The following TMCO4 variants were observed in gnomAD, a reference collection of about 807,000 sequenced individuals.
TMCO4 encodes the protein transmembrane and coiled-coil domains 4, also known as transmembrane and coiled-coil domain-containing protein 4.
A neutral mutation model predicts 64.7 loss-of-function variants in TMCO4; 58 were observed. That is an observed-to-expected ratio of 0.90 (90% CI 0.73 to 1.12). The LOEUF is 1.12. Among genes scored for constraint, TMCO4 ranks in the 50% most tolerant of loss-of-function variants. The pLI is 0.00. For synonymous variants in TMCO4, 325 were observed against 346.1 expected (o/e 0.94, Z 0.68); for missense variants, 780 against 825.9 (o/e 0.94, Z 0.68).
chr1:19,700,917 G>A, intron 13 of TMCO4, 32 bp from the exon 14 acceptor site: 1 of 1,592,058 alleles, frequency 6.3e-7, no homozygotes, highest in Middle Eastern at 1.7e-4. Context: ...GGCCGTCAGT[G>A]TCCCTGGCCA....
rs2041604211 is a variant in TMCO4, at chr1:19,743,210, C to CT, written c.878-2270dup. 6.6e-6 allele frequency among the ~76,000 whole-genome samples: 1 copy of CT among 152,124 alleles called. No individual in the cohort carries two copies. The highest frequency in any genetic ancestry group is 1.5e-5 in the Non-Finnish European group (1 of 68,030). ...ACTAGCTGGGTGACCCTGGGCACCCCTTATAAGCCTCAGTTTCCTCATCTG... is the reference window on the plus strand; with the variant it reads ...ACTAGCTGGGTGACCCTGGGCACCCCTTTATAAGCCTCAGTTTCCTCATCTG... On this transcript the variant is annotated intron_variant, in intron 10 of 15. Transcript: ENST00000294543. This position sits in a 1 kb window ranked among gnomAD's most constrained non-coding sequence, Gnocchi z 4.1.
chr1:19,798,617 T>A (rs74057033), intron 1 of TMCO4, among the ~76,000 whole-genome samples: 2,141 of 152,288 alleles, frequency 0.014, 55 homozygotes, highest in African/African-American at 0.049. Flanking sequence ...CCTGAGCCCA[T>A]CTCTGTCTGA....
chr1:19,741,267 T>C (rs746177320), intron 10 of TMCO4, among the ~76,000 whole-genome samples: 42 of 152,232 alleles, frequency 2.8e-4, no homozygotes, highest in Non-Finnish European at 2.1e-4. Flanking sequence ...GGTATAAGAA[T>C]GAAATGTGTT....
intron 15 of TMCO4, among the ~76,000 whole-genome samples, chr1:19,692,863 T>C (rs1436906614): frequency 6.6e-6 from 1 of 151,742 alleles, no homozygotes. Context: ...TGAACGAGGT[T>C]CTTTCAAGTC....
intron 13 of TMCO4, among the ~76,000 whole-genome samples, chr1:19,726,885 T>C (rs2095411059): frequency 6.6e-6 from 1 of 152,210 alleles, no homozygotes; most frequent in African/African-American, 2.4e-5. Context: ...ACATGATGGA[T>C]TTAAAATACT....
rs749892949 is a variant in TMCO4 at position 19,780,669 on chromosome 1, C to G, written c.90G>C (p.Thr30=). 3 of 1,613,852 alleles carry G rather than the reference C, an allele frequency of 1.9e-6. No individual in the cohort carries two copies. In the Admixed American group the frequency reaches 5.0e-5, roughly 27 times the overall value. ...PTAEGEPHLP[T]GRELTEANRF... is the part of the protein sequence containing the mutation. ...GGTTGGCCTCAGTCAGCTCCCGGCC[C>G]GTGGGCAGGTGTGGCTCCCCCTCTG... The change falls in exon 4 of 16, where the codon ACG becomes ACC. Residue 30 remains threonine (T), a synonymous_variant. Coordinates refer to ENST00000294543, the MANE Select transcript of TMCO4 (RefSeq NM_181719.7).
intron 4 of TMCO4, among the ~76,000 whole-genome samples, 175 bp from the exon 5 acceptor site, chr1:19,771,657 TTTTTTG>T: frequency 6.6e-6 from 1 of 152,098 alleles, no homozygotes; most frequent in Non-Finnish European, 1.5e-5. Context: ...GTAAATTTTG[TTTTTTG>T]TTTTTGTTTT....
chr1:19,697,367 C>G (rs1271394880), intron 14 of TMCO4, among the ~76,000 whole-genome samples: 3 of 152,136 alleles, frequency 2.0e-5, no homozygotes, highest in Non-Finnish European at 4.4e-5. Context: ...AAGCCATTCT[C>G]CCACCTCAGC....
chr1:19,761,399 A>T lies in TMCO4; in HGVS notation c.383-5633T>A, dbSNP rs112726653. On this transcript the variant is annotated intron_variant, in intron 6 of 15. Transcript: ENST00000294543. ...AACATCCCCCCATTGCTCCTGATAG[A>T]TGTGCAGATTCCAGTCCAGTGCCCA... is the stretch of plus-strand genomic sequence containing the variant. 2.6e-5 allele frequency among the ~76,000 whole-genome samples: 4 copies of T among 152,316 alleles called. 1 individual carries two copies. Among genetic ancestry groups the T allele is most frequent in the African/African-American group, 9.6e-5 (4 of 41,580 alleles).
Position 19,734,754 on chromosome 1 carries a change from G to A in TMCO4, c.1264+2618C>T, listed in dbSNP as rs148643453. 4.3e-3 allele frequency among the ~76,000 whole-genome samples: 650 copies of A among 152,272 alleles called. 3 individuals carry two copies. Among genetic ancestry groups the A allele is most frequent in the Middle Eastern group, 0.031 (9 of 294 alleles). On this transcript the variant is annotated intron_variant, in intron 13 of 15. Coordinates refer to ENST00000294543, the MANE Select transcript of TMCO4 (RefSeq NM_181719.7). This position sits in a 1 kb window ranked among gnomAD's most constrained non-coding sequence, Gnocchi z 4.4. ...GCCAAATACAGCATAGTGGTTAGGA[G>A]TGAGGGCTCCAGGGCCAGACTCCCT...
At chr1:19,752,113 C>T (rs2042048294) in intron 7 of TMCO4, among the ~76,000 whole-genome samples, 1 of 151,910 alleles carries the variant, frequency 6.6e-6, no homozygotes, top group Non-Finnish European at 1.5e-5. Flanking sequence ...ATTATTGCAG[C>T]ACTATACTCT....
intron 13 of TMCO4, among the ~76,000 whole-genome samples, chr1:19,721,357 A>G (rs1212223173): frequency 1.3e-5 from 2 of 152,230 alleles, no homozygotes; most frequent in African/African-American, 4.8e-5. Context: ...GCTTAGGCAG[A>G]CAGTGTGGGC....
At chr1:19,780,363 C>A (rs769171738) in intron 4 of TMCO4, among the ~76,000 whole-genome samples, 2 of 152,176 alleles carry the variant, frequency 1.3e-5, no homozygotes, top group Non-Finnish European at 2.9e-5. Context: ...AATTCTCATT[C>A]ACCCACCACT....
intron 13 of TMCO4, among the ~76,000 whole-genome samples, chr1:19,723,874 G>T (rs2095397169): frequency 6.6e-6 from 1 of 152,160 alleles, no homozygotes; most frequent in Admixed American, 6.5e-5. Context: ...GTGAAGCAGA[G>T]AGGTCTGACC....
chr1:19,717,291 G>C (rs1055580400), intron 13 of TMCO4, among the ~76,000 whole-genome samples: 10 of 152,148 alleles, frequency 6.6e-5, no homozygotes, highest in African/African-American at 2.4e-4. Context: ...TGAAGGATGG[G>C]GTGTTCAGGA....
chr1:19,691,942 C>CTCA (rs1490939990), intron 15 of TMCO4, among the ~76,000 whole-genome samples: 1 of 152,210 alleles, frequency 6.6e-6, no homozygotes, highest in Non-Finnish European at 1.5e-5. Context: ...ACTTGGTTCT[C>CTCA]TTCTCTGTCT....
At chr1:19,723,005 C>A (rs1019607611) in intron 13 of TMCO4, among the ~76,000 whole-genome samples, 6 of 152,156 alleles carry the variant, frequency 3.9e-5, no homozygotes, top group African/African-American at 1.4e-4. Flanking sequence ...TACTAGTGGG[C>A]AGGTTGCTGT....
chr1:19,777,095 T>TA (rs1160678598), intron 4 of TMCO4, among the ~76,000 whole-genome samples: 1 of 151,180 alleles, frequency 6.6e-6, no homozygotes, highest in East Asian at 1.9e-4. Flanking sequence ...GGCTTCCCTG[T>TA]ACCTGTACCT....
At chr1:19,770,868 T>C (rs2042950179) in intron 5 of TMCO4, among the ~76,000 whole-genome samples, 1 of 152,238 alleles carries the variant, frequency 6.6e-6, no homozygotes, top group Non-Finnish European at 1.5e-5. Context: ...AGTGACATGC[T>C]CAAGGGCATA....
Sources: allele counts gnomAD v4.1 joint callset (sites outside exome capture counted in the v4.1 genomes callset), GRCh38; gene constraint gnomAD v4.1.1; non-coding constraint Gnocchi (gnomAD v3.1); transcripts MANE v1.5; gene names NCBI Gene and HGNC (gene_info 2026-07-23, HGNC 2026-07-21).